The following PRIM2 variants were observed in gnomAD, a reference collection of about 807,000 sequenced individuals.
PRIM2 encodes DNA primase large subunit.
PRIM2 carries 39 observed loss-of-function variants against 67.3 expected under a neutral mutation model. The ratio of observed to expected loss-of-function variants is 0.58; its 90% CI spans 0.45 to 0.76. The LOEUF is 0.76. Among genes scored for constraint, PRIM2 ranks in the 30% least tolerant of loss-of-function variants. The pLI, the probability that PRIM2 is intolerant of heterozygous loss-of-function variation, is 0.00. For missense variants in PRIM2, 398 were observed against 598.7 expected (o/e 0.66, Z 3.50); for synonymous variants, 143 against 198.7 (o/e 0.72, Z 2.36).
chr6:57,451,815 G>A (rs1216385588), intron 7 of PRIM2, among the ~76,000 whole-genome samples: 4,928 of 149,834 alleles, frequency 0.033, 265 homozygotes, highest in African/African-American at 0.11. Flanking sequence ...AAGTTTTAGG[G>A]TACATGTGCA....
intron 8 of PRIM2, among the ~76,000 whole-genome samples, chr6:57,515,415 G>T (rs1554348124): frequency 6.6e-6 from 1 of 152,208 alleles, no homozygotes; most frequent in African/African-American, 2.4e-5. Context: ...ACAAAGAACA[G>T]CAGCAGCCTA....
At chr6:57,315,290 G>A (rs1705262516), upstream of PRIM2, among the ~76,000 whole-genome samples, 1 of 152,154 alleles carries the variant, frequency 6.6e-6, no homozygotes, top group South Asian at 2.1e-4. Context: ...TGTGTGTGTA[G>A]GTGCATTTTT....
chr6:57,304,442 A>G, the PRIM2 span, among the ~76,000 whole-genome samples: 1 of 152,262 alleles, frequency 6.6e-6, no homozygotes, highest in African/African-American at 2.4e-5. Context: ...ACATGCAGAC[A>G]GAAAATTCCC....
At chr6:57,587,700 A>G (rs1310183025) in intron 10 of PRIM2, among the ~76,000 whole-genome samples, 2 of 150,168 alleles carry the variant, frequency 1.3e-5, no homozygotes, top group African/African-American at 4.9e-5. Context: ...AAAAAGGCAG[A>G]ACACAAATGA....
At chr6:57,339,756 G>T (rs1768402717) in intron 5 of PRIM2, among the ~76,000 whole-genome samples, 1 of 152,108 alleles carries the variant, frequency 6.6e-6, no homozygotes, top group Non-Finnish European at 1.5e-5. Context: ...AAAAACCCTA[G>T]AAGAAAACCT....
chr6:57,297,968 C>T, the PRIM2 span, among the ~76,000 whole-genome samples: 1 of 152,150 alleles, frequency 6.6e-6, no homozygotes, highest in Non-Finnish European at 1.5e-5. Flanking sequence ...ATCAGTGGGA[C>T]AATGTCTTTG....
chr6:57,290,884 C>A, the PRIM2 span, among the ~76,000 whole-genome samples: 3 of 152,196 alleles, frequency 2.0e-5, no homozygotes, highest in South Asian at 6.2e-4. Context: ...ACTAAATGCC[C>A]ACAAGAGAAA....
At chr6:57,377,939 T>C (rs546284339) in intron 5 of PRIM2, among the ~76,000 whole-genome samples, 3 of 152,266 alleles carry the variant, frequency 2.0e-5, no homozygotes, top group East Asian at 1.9e-4. Flanking sequence ...CTGTAAGGGC[T>C]CAACGGGCTC....
In PRIM2 at chr6:57,465,798, A is replaced by AT. The variant is rs953367377; in HGVS notation, c.694-41580dup. 1.2e-3 allele frequency among the ~76,000 whole-genome samples: 185 copies of AT among 150,490 alleles called. 3 individuals carry two copies. The South Asian group carries it at 0.018, about 15-fold the overall frequency. ...GTAATGTACATTAGTGCTTTCTATC[A>AT]TTTTTTTTTCTTGATAATGATTCTT... On this transcript the variant is annotated intron_variant, in intron 7 of 13. Coordinates refer to ENST00000615550, the MANE Select transcript of PRIM2 (RefSeq NM_000947.5).
At chr6:57,349,945 C>T (rs1298795724) in intron 5 of PRIM2, among the ~76,000 whole-genome samples, 2 of 152,076 alleles carry the variant, frequency 1.3e-5, no homozygotes, top group Non-Finnish European at 2.9e-5. Flanking sequence ...TTTCAGTACC[C>T]TTAAGAACTT....
chr6:57,240,851 G>A, the PRIM2 span, among the ~76,000 whole-genome samples: 1 of 152,110 alleles, frequency 6.6e-6, no homozygotes, highest in Non-Finnish European at 1.5e-5. Flanking sequence ...CACTTTGGGA[G>A]GTTGAGGCAG....
the PRIM2 span, among the ~76,000 whole-genome samples, chr6:57,225,590 A>G: frequency 6.6e-6 from 1 of 152,262 alleles, no homozygotes; most frequent in Non-Finnish European, 1.5e-5. Flanking sequence ...TTATTAAGTC[A>G]TTAAATGATT....
chr6:57,307,355 G>C, the PRIM2 span, among the ~76,000 whole-genome samples: 1 of 151,246 alleles, frequency 6.6e-6, no homozygotes, highest in African/African-American at 2.4e-5. Context: ...CTGGGTTCAC[G>C]CCATTCTCCT....
intron 5 of PRIM2, among the ~76,000 whole-genome samples, chr6:57,371,187 G>T (rs1452351240): frequency 6.7e-6 from 1 of 149,486 alleles, no homozygotes; most frequent in African/African-American, 2.5e-5. Flanking sequence ...ACTATTTGGA[G>T]AAGTAAAGTC....
At chr6:57,364,934 A>T (rs1366713222) in intron 5 of PRIM2, among the ~76,000 whole-genome samples, 6 of 151,650 alleles carry the variant, frequency 4.0e-5, no homozygotes, top group Non-Finnish European at 7.4e-5. Flanking sequence ...TTTCAGTGAG[A>T]TGTAGATCTG....
At chr6:57,421,300 A>G (rs1279423451) in intron 7 of PRIM2, among the ~76,000 whole-genome samples, 1 of 152,208 alleles carries the variant, frequency 6.6e-6, no homozygotes, top group East Asian at 1.9e-4. Flanking sequence ...TTAGAGCCCA[A>G]ATCACAAAAT....
the PRIM2 span, among the ~76,000 whole-genome samples, chr6:57,241,923 T>C: frequency 3.0e-3 from 449 of 152,122 alleles, 6 homozygotes; most frequent in East Asian, 0.056. Flanking sequence ...CTGCCCTCCT[T>C]GGCCTCCCAA....
In PRIM2 at chr6:57,529,585, AAC is replaced by A. The variant is rs1231458385; in HGVS notation, c.762-2822_762-2821del. Among the ~76,000 whole-genome samples, 3 of 152,194 alleles carry A rather than the reference AAC, an allele frequency of 2.0e-5. No homozygotes were observed. In the East Asian group the frequency reaches 5.8e-4, roughly 29 times the overall value. On this transcript the variant is annotated intron_variant, in intron 8 of 13. Transcript: ENST00000615550. ...ATTAATGGAATGCATAGAATCCAATAACACATTGTCAGAAAGGTGTCACTCAA... is the reference window on the plus strand; with the variant it reads ...ATTAATGGAATGCATAGAATCCAATAACATTGTCAGAAAGGTGTCACTCAA...
At chr6:57,423,667 A>T (rs779796743) in intron 7 of PRIM2, among the ~76,000 whole-genome samples, 1 of 152,228 alleles carries the variant, frequency 6.6e-6, no homozygotes, top group Non-Finnish European at 1.5e-5. Context: ...ATGGTGAAGT[A>T]GCCAATTAAA....
Sources: allele counts gnomAD v4.1 joint callset (sites outside exome capture counted in the v4.1 genomes callset), GRCh38; gene constraint gnomAD v4.1.1; transcripts MANE v1.5; gene names NCBI Gene and HGNC (gene_info 2026-07-23, HGNC 2026-07-21).